VAC14: variants seen among roughly 807,000 people sequenced by gnomAD.
VAC14 encodes the protein protein VAC14 homolog.
Under a neutral mutation model 85.3 loss-of-function variants are expected in VAC14, and 47 were observed. The ratio of observed to expected loss-of-function variants is 0.55; its 90% CI spans 0.44 to 0.70. VAC14 has a LOEUF of 0.70. VAC14 is among the 30% of genes least tolerant of loss of function. VAC14 has a pLI of 0.00. For missense variants in VAC14, 861 were observed against 1,004.3 expected (o/e 0.86, Z 1.93); for synonymous variants, 447 against 430.5 (o/e 1.04, Z -0.47).
At chr16:70,738,859 A>G (rs1038351315) in intron 13 of VAC14, among the ~76,000 whole-genome samples, 3 of 152,238 alleles carry the variant, frequency 2.0e-5, no homozygotes, top group Non-Finnish European at 4.4e-5. Flanking sequence ...ATCACCCAGC[A>G]CTGGGCGACG....
intron 13 of VAC14, among the ~76,000 whole-genome samples, chr16:70,738,300 G>A (rs550084131): frequency 5.9e-5 from 9 of 152,326 alleles, no homozygotes; most frequent in African/African-American, 2.2e-4. Context: ...GCACCAACTC[G>A]GGAACCCACT....
At chr16:70,754,526 T>C (rs2031666224) in intron 12 of VAC14, among the ~76,000 whole-genome samples, 1 of 152,124 alleles carries the variant, frequency 6.6e-6, no homozygotes, top group Admixed American at 6.5e-5. Flanking sequence ...CTCTCACTTG[T>C]TCTCAGAAGC....
At chr16:70,734,795 C>CAA (rs11354461) in intron 13 of VAC14, among the ~76,000 whole-genome samples, 9 of 140,248 alleles carry the variant, frequency 6.4e-5, no homozygotes, top group East Asian at 2.1e-4. Flanking sequence ...AACAAAGAAA[C>CAA]AAAAAAAAAA....
intron 12 of VAC14, among the ~76,000 whole-genome samples, chr16:70,754,633 G>C (rs768629773): frequency 5.5e-4 from 84 of 152,150 alleles, no homozygotes; most frequent in Non-Finnish European, 1.0e-3. Context: ...TCAGGAAGAG[G>C]GTCCCCGGGC....
chr16:70,728,119 G>A (rs1448727231), intron 14 of VAC14, among the ~76,000 whole-genome samples: 2 of 152,210 alleles, frequency 1.3e-5, no homozygotes, highest in South Asian at 2.1e-4. Flanking sequence ...GTGGCTGTGC[G>A]GGTGGGAGTG....
At chr16:70,795,785 A>G in intron 1 of VAC14, among the ~76,000 whole-genome samples, 1 of 152,220 alleles carries the variant, frequency 6.6e-6, no homozygotes, top group African/African-American at 2.4e-5. Context: ...TCAAAGTTCA[A>G]AAACAAGATC....
In VAC14 at chr16:70,785,835, G is replaced by A; in HGVS notation, c.290C>T (p.Pro97Leu). The A allele has an allele frequency of 6.2e-7, 1 of 1,605,062 alleles. No homozygotes were observed. Reference sequence around the variant, plus strand: ...TGCATCATTGAAGCAGGTCAGCACTGGCTCGATCAGCTCCTTCAGGTAGAG... The same window carrying A: ...TGCATCATTGAAGCAGGTCAGCACTAGCTCGATCAGCTCCTTCAGGTAGAG... ...SGLYLKELIE[P>L]VLTCFNDADS... is the part of the protein sequence containing the mutation. Residue 97 changes from proline (P) to leucine (L), a missense_variant, in exon 3 of 19, where the codon CCA becomes CTA. This residue lies in a region of VAC14 where 629 missense variants were observed against 703.1 expected (regional missense o/e 0.89). Transcript: ENST00000261776.
intron 12 of VAC14, among the ~76,000 whole-genome samples, chr16:70,761,501 C>T (rs1170756058): frequency 3.3e-5 from 5 of 152,238 alleles, no homozygotes; most frequent in Non-Finnish European, 7.3e-5. Context: ...AATGGGCACG[C>T]GCAGCTGCAA....
chr16:70,789,477 G>C (rs956067113), intron 1 of VAC14, among the ~76,000 whole-genome samples: 1 of 152,186 alleles, frequency 6.6e-6, no homozygotes, highest in Admixed American at 6.5e-5. Flanking sequence ...GGGTTAAAGG[G>C]AGGTGCGCAC....
chr16:70,696,632 A>C (rs1175378617), intron 16 of VAC14, among the ~76,000 whole-genome samples: 1 of 152,218 alleles, frequency 6.6e-6, no homozygotes, highest in Non-Finnish European at 1.5e-5. Flanking sequence ...GTCATCCTCA[A>C]GCCTGTCGGG....
At position 70,783,030 on chromosome 16, in the gene VAC14, C is replaced by T. The variant is rs372321955; in HGVS notation, c.811+3G>A. On this transcript the variant is annotated splice_donor_region_variant and intron_variant, in intron 7 of 18. Transcript: ENST00000261776. The stretch of plus-strand genomic sequence containing the variant: ...TGGCTGTGGGCCCTCCCCCAATACT[C>T]ACCTGTTGTCTGGCAGTGGATCACC... 2 of 1,613,806 alleles carry T rather than the reference C, an allele frequency of 1.2e-6. No homozygotes were observed. The highest frequency in any genetic ancestry group is 1.3e-5 in the African/African-American group (1 of 75,058).
chr16:70,786,003 T>G, intron 2 of VAC14, 134 bp from the exon 3 acceptor site: 1 of 1,327,246 alleles, frequency 7.5e-7, no homozygotes, highest in Non-Finnish European at 1.0e-6. Context: ...TCAAAGACCC[T>G]TCCCAAGCCT....
chr16:70,739,700 C>G (rs1290461647), intron 13 of VAC14, among the ~76,000 whole-genome samples: 1 of 152,214 alleles, frequency 6.6e-6, no homozygotes, highest in Non-Finnish European at 1.5e-5. Flanking sequence ...CAGGGCAGGG[C>G]CTAACGTGAC....
chr16:70,781,986 T>C lies in VAC14; in HGVS notation c.829A>G (p.Thr277Ala). The C allele has an allele frequency of 6.2e-7, 1 of 1,613,890 alleles. No homozygotes were observed. The highest frequency in any genetic ancestry group is 8.5e-7 in the Non-Finnish European group (1 of 1,179,946). The change falls in exon 8 of 19, where the codon ACA (threonine) becomes GCA (alanine). Residue 277 changes from threonine (T) to alanine (A), a missense_variant. By Grantham distance (58) the Thr-to-Ala change is moderately conservative. Around this residue, in one of 3 missense-constraint regions of VAC14, gnomAD observed 629 missense variants for 703.1 expected, o/e 0.89. Coordinates refer to ENST00000261776, the MANE Select transcript of VAC14 (RefSeq NM_018052.5). Reference protein sequence around the residue: ...CQTTDDLIQLTAMCWMREFIQ... With the variant: ...CQTTDDLIQLAAMCWMREFIQ... The stretch of plus-strand genomic sequence containing the variant: ...AACTCCCGCATCCAGCACATGGCTG[T>C]CAGCTGGATGAGGTCATCTGGAAGG...
At chr16:70,764,175 G>A (rs983552811) in intron 10 of VAC14, among the ~76,000 whole-genome samples, 2 of 152,190 alleles carry the variant, frequency 1.3e-5, no homozygotes, top group African/African-American at 4.8e-5. Flanking sequence ...TCCCTAAAGG[G>A]CATGATTCTG....
At chr16:70,781,688 T>A (rs1489597010) in intron 8 of VAC14, among the ~76,000 whole-genome samples, 181 bp downstream of exon 8, 1 of 152,106 alleles carries the variant, frequency 6.6e-6, no homozygotes, top group Admixed American at 6.5e-5. Flanking sequence ...ACAGCCAGCA[T>A]CAGCCCCGGG....
At chr16:70,695,986 CAGT>C (rs1432769376) in intron 16 of VAC14, 1 of 184,130 alleles carries the variant, frequency 5.4e-6, no homozygotes, top group Non-Finnish European at 1.1e-5. Flanking sequence ...AGTGGCCTGC[CAGT>C]CTCTGGGTGA....
At chr16:70,735,472 C>T (rs1404504785) in intron 13 of VAC14, among the ~76,000 whole-genome samples, 1 of 152,170 alleles carries the variant, frequency 6.6e-6, no homozygotes, top group Non-Finnish European at 1.5e-5. Flanking sequence ...TTGATGCCAG[C>T]GGGCAGGAAG....
intron 12 of VAC14, among the ~76,000 whole-genome samples, chr16:70,752,756 A>G (rs536627762): frequency 4.7e-4 from 71 of 152,332 alleles, no homozygotes; most frequent in Admixed American, 2.1e-3. Flanking sequence ...GGAGGGCCCA[A>G]TGCAGCAGGA....
Sources: gnomAD v4.1 joint callset for allele counts (sites outside exome capture counted in the v4.1 genomes callset) on GRCh38, gnomAD v4.1.1 for gene constraint, gnomAD v4.1.1 regional missense constraint, MANE v1.5 for transcripts, NCBI Gene and HGNC (gene_info 2026-07-23, HGNC 2026-07-21) for gene names.